The following YEATS2 variants were observed in gnomAD, a reference collection of about 807,000 sequenced individuals.
YEATS2 encodes the protein YEATS domain-containing protein 2.
A neutral mutation model predicts 163.2 loss-of-function variants in YEATS2; 77 were observed. The ratio of observed to expected loss-of-function variants is 0.47; its 90% CI spans 0.39 to 0.57. The LOEUF (loss-of-function observed/expected upper bound fraction) is 0.57. Among genes scored for constraint, YEATS2 ranks in the 20% least tolerant of loss-of-function variants. YEATS2 has a pLI of 0.00. For missense variants in YEATS2, 1,549 were observed against 1,729.8 expected (o/e 0.90, Z 1.85); for synonymous variants, 631 against 645.1 (o/e 0.98, Z 0.33).
At chr3:183,702,707 C>G (rs1013873856) in intron 1 of YEATS2, among the ~76,000 whole-genome samples, 1 of 151,144 alleles carries the variant, frequency 6.6e-6, no homozygotes. Flanking sequence ...TGGTGGTGTG[C>G]GCCTGTAGTC....
intron 21 of YEATS2, chr3:183,793,259 A>G (rs1724831133): frequency 2.5e-6 from 3 of 1,180,668 alleles, no homozygotes; most frequent in Non-Finnish European, 2.2e-6. Context: ...TGTCATTACT[A>G]TTATTACTTC....
At position 183,804,080 on chromosome 3, in the gene YEATS2, A is replaced by G. The variant is rs748616345; in HGVS notation, c.3676A>G (p.Ile1226Val). 2 of 1,614,048 alleles carry G rather than the reference A, an allele frequency of 1.2e-6. No individual in the cohort carries two copies. Among genetic ancestry groups the G allele is most frequent in the African/African-American group, 1.3e-5 (1 of 74,906 alleles). The change falls in exon 27 of 31, where the codon ATC becomes GTC. Residue 1226 changes from isoleucine (I) to valine (V), a missense_variant. Coordinates refer to ENST00000305135, the MANE Select transcript of YEATS2 (RefSeq NM_018023.5). ...HHLTPLKTKH[I>V]AHWCRCHGYT... is the part of the protein sequence containing the mutation. ...CCTGACTCCCCTCAAAACCAAGCAC[A>G]TCGCTCACTGGTGCCGCTGTCATGG...
In YEATS2 at chr3:183,713,149, G is replaced by A. The variant is rs544683050; in HGVS notation, c.-19-1995G>A. Among the ~76,000 whole-genome samples the A allele has an allele frequency of 3.9e-5, 6 of 152,232 alleles. No individual in the cohort carries two copies. In the East Asian group the frequency reaches 9.6e-4, roughly 24 times the overall value. On this transcript the variant is annotated intron_variant, in intron 1 of 30. Coordinates refer to ENST00000305135, the MANE Select transcript of YEATS2 (RefSeq NM_018023.5). ...TTTAAAAACTTGGTAAAAATATAAC[G>A]TAAAATCTAATTGCTGATTTATTTA...
chr3:183,781,435 A>ATGT (rs1723551305), intron 19 of YEATS2, among the ~76,000 whole-genome samples: 1 of 152,180 alleles, frequency 6.6e-6, no homozygotes, highest in Non-Finnish European at 1.5e-5. Context: ...AGATTGGATG[A>ATGT]TGTCTGCCCA....
intron 21 of YEATS2, among the ~76,000 whole-genome samples, chr3:183,795,831 A>G (rs986435089): frequency 6.6e-6 from 1 of 152,134 alleles, no homozygotes; most frequent in African/African-American, 2.4e-5. Context: ...TGGAAGTATT[A>G]CTACCTGATG....
chr3:183,717,140 G>A (rs901793757), intron 2 of YEATS2, among the ~76,000 whole-genome samples: 4 of 151,992 alleles, frequency 2.6e-5, no homozygotes, highest in African/African-American at 9.7e-5. Context: ...TAATCCACCT[G>A]TCTGGGCCTC....
intron 20 of YEATS2, among the ~76,000 whole-genome samples, chr3:183,790,492 G>A (rs1560319282): frequency 6.6e-6 from 1 of 152,122 alleles, no homozygotes; most frequent in Non-Finnish European, 1.5e-5. Context: ...TGTCCTCCTA[G>A]TTTTTTGGTG....
intron 29 of YEATS2, 30 bp downstream of exon 29, chr3:183,808,134 A>C (rs1306403116): frequency 7.1e-6 from 11 of 1,545,066 alleles, no homozygotes; most frequent in Non-Finnish European, 9.6e-6. Flanking sequence ...GCCAGCCAGG[A>C]AGGATGGTTG....
intron 16 of YEATS2, 41 bp downstream of exon 16, chr3:183,772,604 C>G (rs1418076402): frequency 6.2e-7 from 1 of 1,606,244 alleles, no homozygotes; most frequent in Non-Finnish European, 8.5e-7. Context: ...AGCAGAAGCT[C>G]TGTCCAAAAT....
At chr3:183,724,778 T>C (rs925195434) in intron 6 of YEATS2, among the ~76,000 whole-genome samples, 1 of 152,126 alleles carries the variant, frequency 6.6e-6, no homozygotes, top group Admixed American at 6.5e-5. Flanking sequence ...GTTTCGCTCT[T>C]GTTGTCCAGA....
At chr3:183,786,721 T>A (rs1458499541) in intron 20 of YEATS2, among the ~76,000 whole-genome samples, 1 of 152,220 alleles carries the variant, frequency 6.6e-6, no homozygotes, top group Admixed American at 6.5e-5. Context: ...GCAGAGTTCA[T>A]CCACGTTGTG....
chr3:183,702,977 G>A (rs911243565), intron 1 of YEATS2, among the ~76,000 whole-genome samples: 3 of 152,172 alleles, frequency 2.0e-5, no homozygotes, highest in African/African-American at 2.4e-5. Flanking sequence ...TGTAGACAGC[G>A]TACTGGCCAG....
rs752038648 is a variant in YEATS2 at position 183,718,588 on chromosome 3, C to T, written c.287C>T (p.Ser96Phe). 3.4e-5 allele frequency: 54 copies of T among 1,610,056 alleles called. No homozygotes were observed. In the African/African-American group the frequency reaches 4.5e-4, roughly 14 times the overall value. Residue 96 changes from serine (S) to phenylalanine (F), a missense_variant, in exon 4 of 31, where the codon TCT (serine) becomes TTT (phenylalanine). Transcript: ENST00000305135. The stretch of plus-strand genomic sequence containing the variant: ...GCTTCTGCAGGTCTTCTAAAAGTTT[C>T]TGAGGTAAGCATTCCTCATACCCAG... ...YYASAGLLKV[S>F]EGSKTCDTMV...
intron 1 of YEATS2, among the ~76,000 whole-genome samples, chr3:183,713,844 C>T (rs1277227234): frequency 6.6e-6 from 1 of 152,160 alleles, no homozygotes; most frequent in African/African-American, 2.4e-5. Context: ...ATTGCTCTGT[C>T]GCCCACACTG....
chr3:183,803,539 A>G lies in YEATS2; in HGVS notation c.3582+204A>G, dbSNP rs1725892850. On this transcript the variant is annotated intron_variant, in intron 26 of 30. Transcript: ENST00000305135. ...CTGCACTGGCAGAAACATCCCTCAC[A>G]GTTTCTAAATTTTTTTCTGAGTTTC... 1.0e-5 allele frequency: 6 copies of G among 602,518 alleles called. No individual in the cohort carries two copies. In the South Asian group the frequency reaches 1.2e-4, roughly 12 times the overall value. 37.3% of individuals were successfully genotyped at this position (602,518 alleles called of 1,614,324 possible).
intron 8 of YEATS2, among the ~76,000 whole-genome samples, chr3:183,744,084 G>T (rs560016843): frequency 1.4e-4 from 20 of 145,628 alleles, no homozygotes; most frequent in African/African-American, 5.0e-4. Flanking sequence ...TTACTTAGAG[G>T]AAAGTCTTTT....
At chr3:183,794,881 A>G (rs776081111) in intron 21 of YEATS2, among the ~76,000 whole-genome samples, 3 of 152,102 alleles carry the variant, frequency 2.0e-5, no homozygotes, top group Non-Finnish European at 4.4e-5. Context: ...TGAAGACCCC[A>G]TCTAGGGGCT....
chr3:183,777,496 ATTTAACAAATTACCGATTAGTTC>A, intron 18 of YEATS2, 23 bp from the exon 19 acceptor site: 5 of 1,598,184 alleles, frequency 3.1e-6, no homozygotes, highest in Non-Finnish European at 4.3e-6. Flanking sequence ...GCCCATCTGA[ATTTAACAAATTACCGATTAGTTC>A]TTTATATTTT....
chr3:183,786,213 G>C lies in YEATS2; in HGVS notation c.2825G>C (p.Gly942Ala), dbSNP rs552897808. The C allele has an allele frequency of 1.9e-6, 3 of 1,614,102 alleles. No homozygotes were observed. In the African/African-American group the frequency reaches 4.0e-5, roughly 22 times the overall value. The change falls in exon 20 of 31, where the codon GGA (glycine) becomes GCA (alanine). Residue 942 changes from glycine (G) to alanine (A), a missense_variant. Transcript: ENST00000305135. ...GCCACCTCACAGCTCTCGAAGCCTGGAACCACAATGCTGAGAGTAGCAGGA... is the reference window on the plus strand; with the variant it reads ...GCCACCTCACAGCTCTCGAAGCCTGCAACCACAATGCTGAGAGTAGCAGGA... ...VPATSQLSKP[G>A]TTMLRVAGGV...
Sources: allele counts gnomAD v4.1 joint callset (sites outside exome capture counted in the v4.1 genomes callset), GRCh38; gene constraint gnomAD v4.1.1; transcripts MANE v1.5; gene names NCBI Gene and HGNC (gene_info 2026-07-23, HGNC 2026-07-21).